Variants in GNAZ observed in about 807,000 individuals in gnomAD.
GNAZ encodes the protein G protein subunit alpha z, also known as guanine nucleotide-binding protein G(z) subunit alpha.
A neutral mutation model predicts 25.4 loss-of-function variants in GNAZ; 3 were observed. The observed-to-expected ratio is 0.12, with a 90% CI of 0.05 to 0.30. GNAZ has a LOEUF of 0.30. GNAZ is among the 10% of genes least tolerant of loss of function. GNAZ has a pLI of 1.00. For missense variants in GNAZ, 241 were observed against 501.8 expected, an observed-to-expected ratio of 0.48 and a Z score of 4.97; for synonymous variants, 211 against 205.7, an observed-to-expected ratio of 1.03 and a Z score of -0.22.
chr22:23,116,422 A>G (rs1255920687), intron 2 of GNAZ, among the ~76,000 whole-genome samples: 1 of 152,244 alleles, frequency 6.6e-6, no homozygotes, highest in Non-Finnish European at 1.5e-5. Flanking sequence ...GCAGTGCAGG[A>G]GGGAGAGCGC....
chr22:23,083,474 T>C (rs2068733223), intron 1 of GNAZ, among the ~76,000 whole-genome samples: 1 of 152,258 alleles, frequency 6.6e-6, no homozygotes, highest in African/African-American at 2.4e-5. Context: ...CCGAGCTCTG[T>C]ACAAATATTT....
intron 1 of GNAZ, among the ~76,000 whole-genome samples, chr22:23,085,768 G>A (rs528526841): frequency 7.9e-5 from 12 of 152,240 alleles, no homozygotes; most frequent in Non-Finnish European, 1.5e-4. Context: ...CAGGAGGCAC[G>A]GGCAGTGGGG....
chr22:23,078,435 C>T (rs1211504937), intron 1 of GNAZ, among the ~76,000 whole-genome samples: 3 of 152,174 alleles, frequency 2.0e-5, no homozygotes, highest in Admixed American at 2.0e-4. Context: ...TGCCCTTGTC[C>T]CCCCAACACT....
intron 1 of GNAZ, among the ~76,000 whole-genome samples, chr22:23,081,646 AC>A (rs1264952148): frequency 5.9e-5 from 9 of 151,816 alleles, no homozygotes; most frequent in African/African-American, 2.2e-4. Context: ...ACATGGCAAA[AC>A]CCTGTCTCTA....
intron 2 of GNAZ, among the ~76,000 whole-genome samples, chr22:23,098,709 A>T (rs1045892589): frequency 6.6e-6 from 1 of 152,262 alleles, no homozygotes; most frequent in African/African-American, 2.4e-5. Flanking sequence ...CTGACCTTTC[A>T]TGCTCTACCA....
chr22:23,102,895 G>C (rs991668255), intron 2 of GNAZ, among the ~76,000 whole-genome samples: 5 of 152,238 alleles, frequency 3.3e-5, no homozygotes, highest in Admixed American at 2.6e-4. Flanking sequence ...TCAGACAAGT[G>C]TTCCTGCCAC....
At chr22:23,112,005 C>T (rs2069671790) in intron 2 of GNAZ, among the ~76,000 whole-genome samples, 1 of 152,206 alleles carries the variant, frequency 6.6e-6, no homozygotes, top group Admixed American at 6.5e-5. Context: ...TCCCTTGCAG[C>T]CTTAGTCTCA....
chr22:23,107,911 T>G (rs1015119246), intron 2 of GNAZ, among the ~76,000 whole-genome samples: 1 of 152,196 alleles, frequency 6.6e-6, no homozygotes, highest in Non-Finnish European at 1.5e-5. Context: ...CAGCTGTCAC[T>G]GGAGGGCCAG....
intron 2 of GNAZ, among the ~76,000 whole-genome samples, chr22:23,105,138 G>C (rs2069425802): frequency 6.6e-6 from 1 of 152,202 alleles, no homozygotes; most frequent in Non-Finnish European, 1.5e-5. Flanking sequence ...TGTATCCTAA[G>C]GTTCCCAGCC....
At chr22:23,074,984 A>T (rs772030454) in intron 1 of GNAZ, among the ~76,000 whole-genome samples, 4 of 152,208 alleles carry the variant, frequency 2.6e-5, no homozygotes, top group African/African-American at 4.8e-5. Context: ...CCTGAGCAAC[A>T]TGTAAGAGCC....
At chr22:23,087,660 G>T (rs191519749) in intron 1 of GNAZ, among the ~76,000 whole-genome samples, 1 of 152,268 alleles carries the variant, frequency 6.6e-6, no homozygotes, top group East Asian at 1.9e-4. Flanking sequence ...CTTGGTGGAT[G>T]GGGGGTAGCC....
At chr22:23,083,343 G>C (rs757364232) in intron 1 of GNAZ, among the ~76,000 whole-genome samples, 3 of 152,124 alleles carry the variant, frequency 2.0e-5, no homozygotes, top group Non-Finnish European at 4.4e-5. Context: ...TCCAGGAGGA[G>C]GCCATGGGTC....
chr22:23,071,619 A>C lies in GNAZ; in HGVS notation c.-450+1049A>C, dbSNP rs887997147. Among the ~76,000 whole-genome samples the C allele has an allele frequency of 2.6e-5, 4 of 152,128 alleles. No individual in the cohort carries two copies. Among genetic ancestry groups the C allele is most frequent in the African/African-American group, 7.2e-5 (3 of 41,436 alleles). On this transcript the variant is annotated intron_variant, in intron 1 of 2. Transcript: ENST00000615612. This position sits in a 1 kb window ranked among gnomAD's most constrained non-coding sequence, Gnocchi z 4.1. ...TTGACGCTGGGGTGCACCGGGTGGG[A>C]GTGGACTGGGCCTGCCCTCCCAGGA...
intron 1 of GNAZ, among the ~76,000 whole-genome samples, chr22:23,078,420 G>A (rs1011214206): frequency 8.5e-5 from 13 of 152,220 alleles, no homozygotes; most frequent in African/African-American, 3.1e-4. Flanking sequence ...AGGCACTGGT[G>A]GGGCTGCCCT....
chr22:23,114,307 CTT>C (rs1443896638), intron 2 of GNAZ, among the ~76,000 whole-genome samples: 8 of 152,222 alleles, frequency 5.3e-5, no homozygotes, highest in African/African-American at 1.9e-4. Context: ...AGTGGGCTGA[CTT>C]GAGCTTCTCA....
At chr22:23,108,999 T>C (rs777657687) in intron 2 of GNAZ, among the ~76,000 whole-genome samples, 56 of 152,326 alleles carry the variant, frequency 3.7e-4, no homozygotes, top group Admixed American at 2.3e-3. Context: ...ACATGGAGGC[T>C]TCCAGGGGAG....
chr22:23,072,326 G>A (rs1425690015), intron 1 of GNAZ, among the ~76,000 whole-genome samples: 2 of 152,128 alleles, frequency 1.3e-5, no homozygotes, highest in African/African-American at 4.8e-5. Flanking sequence ...TGGCCTGGCG[G>A]TGCTTGGATA....
chr22:23,093,340 T>C (rs907413130), intron 1 of GNAZ, among the ~76,000 whole-genome samples: 1 of 152,178 alleles, frequency 6.6e-6, no homozygotes, highest in Non-Finnish European at 1.5e-5. Context: ...TCTCCATTGA[T>C]TCCTTCCCTC....
intron 1 of GNAZ, among the ~76,000 whole-genome samples, chr22:23,082,582 G>T (rs2068714768): frequency 6.6e-6 from 1 of 151,974 alleles, no homozygotes; most frequent in Admixed American, 6.6e-5. Flanking sequence ...TACTTGGAAA[G>T]GTTGTAAACC....
Sources: gnomAD v4.1 joint callset for allele counts (sites outside exome capture counted in the v4.1 genomes callset) on GRCh38, gnomAD v4.1.1 for gene constraint, Gnocchi (gnomAD v3.1) non-coding constraint, MANE v1.5 for transcripts, NCBI Gene and HGNC (gene_info 2026-07-23, HGNC 2026-07-21) for gene names.